KCNC2: variants seen among roughly 807,000 people sequenced by gnomAD.
KCNC2 encodes potassium voltage-gated channel subfamily C member 2, also known as voltage-gated potassium channel KCNC2.
KCNC2 carries 21 observed loss-of-function variants against 44.5 expected under a neutral mutation model. The observed-to-expected ratio is 0.47, with a 90% CI of 0.33 to 0.68. The LOEUF is 0.68. Among genes scored for constraint, KCNC2 ranks in the 30% least tolerant of loss-of-function variants. The pLI, the probability that KCNC2 is intolerant of heterozygous loss-of-function variation, is 0.01. For missense variants in KCNC2, 589 were observed against 826.2 expected (o/e 0.71, Z 3.52); for synonymous variants, 391 against 339.1 (o/e 1.15, Z -1.68).
At position 75,079,947 on chromosome 12, in the gene KCNC2, T is replaced by C. The variant is rs1198926328; in HGVS notation, c.688-28630A>G. Among the ~76,000 whole-genome samples the C allele has an allele frequency of 2.0e-5, 3 of 152,198 alleles. No homozygotes were observed. The South Asian group carries it at 6.2e-4, about 32-fold the overall frequency. On this transcript the variant is annotated intron_variant, in intron 2 of 4. Transcript: ENST00000549446. ...GTCTCTGAGTCCTTCCCACATTTCATCAGAAGTGAGAATAAAAAGGAATAC... is the reference window on the plus strand; with the variant it reads ...GTCTCTGAGTCCTTCCCACATTTCACCAGAAGTGAGAATAAAAAGGAATAC...
intron 2 of KCNC2, among the ~76,000 whole-genome samples, chr12:75,081,318 A>G (rs1884482107): frequency 6.6e-6 from 1 of 151,778 alleles, no homozygotes; most frequent in African/African-American, 2.4e-5. Flanking sequence ...GATTTTGTAT[A>G]TATCAATATG....
At chr12:75,167,999 T>TA (rs1891570465) in intron 2 of KCNC2, among the ~76,000 whole-genome samples, 1 of 151,436 alleles carries the variant, frequency 6.6e-6, no homozygotes, top group Non-Finnish European at 1.5e-5. Flanking sequence ...AAATGTATAA[T>TA]ATGAGATTGC....
chr12:75,069,425 C>T (rs968446654), intron 2 of KCNC2, among the ~76,000 whole-genome samples: 2 of 151,934 alleles, frequency 1.3e-5, no homozygotes, highest in South Asian at 2.1e-4. Flanking sequence ...TGTGATCCAC[C>T]GTGCTCGGCC....
intron 2 of KCNC2, among the ~76,000 whole-genome samples, chr12:75,089,667 G>A (rs1163415405): frequency 1.3e-5 from 2 of 151,762 alleles, no homozygotes; most frequent in Non-Finnish European, 2.9e-5. Flanking sequence ...GACTTTGATG[G>A]AATTATTGCA....
At chr12:75,152,703 A>G (rs1177985417) in intron 2 of KCNC2, among the ~76,000 whole-genome samples, 1 of 152,026 alleles carries the variant, frequency 6.6e-6, no homozygotes, top group Non-Finnish European at 1.5e-5. Context: ...GTAAACAGCT[A>G]GAATTAAAGT....
intron 2 of KCNC2, among the ~76,000 whole-genome samples, chr12:75,094,696 G>T (rs1316218405): frequency 2.0e-5 from 3 of 151,656 alleles, no homozygotes; most frequent in African/African-American, 7.3e-5. Context: ...ACACTGAGAA[G>T]TTTTCAGGAA....
intron 2 of KCNC2, among the ~76,000 whole-genome samples, chr12:75,070,383 C>T (rs186656536): frequency 6.0e-5 from 9 of 150,444 alleles, no homozygotes; most frequent in Admixed American, 2.7e-4. Flanking sequence ...CCCAGGAGGC[C>T]GAGGTTGCAG....
intron 2 of KCNC2, among the ~76,000 whole-genome samples, chr12:75,130,953 G>A (rs1205075958): frequency 6.6e-6 from 1 of 151,956 alleles, no homozygotes; most frequent in East Asian, 1.9e-4. Flanking sequence ...TACGCCTCCT[G>A]TTTGGGTGCA....
intron 4 of KCNC2, among the ~76,000 whole-genome samples, chr12:75,044,034 A>G (rs1880207916): frequency 1.3e-5 from 2 of 151,962 alleles, no homozygotes; most frequent in African/African-American, 4.8e-5. Flanking sequence ...ACGAACTTAC[A>G]AAATAAAAGA....
intron 2 of KCNC2, among the ~76,000 whole-genome samples, chr12:75,106,129 A>T (rs1306570251): frequency 6.6e-6 from 1 of 152,156 alleles, no homozygotes; most frequent in Admixed American, 6.5e-5. Context: ...AAGAATGATC[A>T]ACTGTGTCAA....
chr12:75,159,968 A>AGT (rs1231152029), intron 2 of KCNC2, among the ~76,000 whole-genome samples: 2 of 151,864 alleles, frequency 1.3e-5, no homozygotes, highest in Admixed American at 1.3e-4. Flanking sequence ...TATAAAAGTG[A>AGT]GTGCTAACTG....
intron 2 of KCNC2, among the ~76,000 whole-genome samples, chr12:75,206,692 G>T (rs1044945686): frequency 6.6e-6 from 1 of 152,114 alleles, no homozygotes; most frequent in African/African-American, 2.4e-5. Flanking sequence ...CCTAGTATTC[G>T]TCTCCCTTGG....
intron 2 of KCNC2, among the ~76,000 whole-genome samples, chr12:75,114,565 T>C (rs947944178): frequency 6.6e-6 from 1 of 152,004 alleles, no homozygotes; most frequent in African/African-American, 2.4e-5. Flanking sequence ...TAAAGAAAAA[T>C]ATATCGGGGA....
At chr12:75,180,146 A>G (rs922978778) in intron 2 of KCNC2, among the ~76,000 whole-genome samples, 42 of 151,948 alleles carry the variant, frequency 2.8e-4, no homozygotes, top group African/African-American at 8.9e-4. Flanking sequence ...TTGTATGTTA[A>G]TAATTTGGCA....
At chr12:75,156,631 A>G (rs562538304) in intron 2 of KCNC2, among the ~76,000 whole-genome samples, 2 of 151,906 alleles carry the variant, frequency 1.3e-5, no homozygotes, top group East Asian at 1.9e-4. Flanking sequence ...AATGATGCCT[A>G]CCGTTGAAAG....
At chr12:75,162,498 T>A (rs1891184568) in intron 2 of KCNC2, among the ~76,000 whole-genome samples, 1 of 151,682 alleles carries the variant, frequency 6.6e-6, no homozygotes, top group South Asian at 2.1e-4. Flanking sequence ...ATAGATTACA[T>A]CTGTAGTTTT....
chr12:75,202,790 T>A (rs914558874), intron 2 of KCNC2, among the ~76,000 whole-genome samples: 2 of 103,912 alleles, frequency 1.9e-5, no homozygotes, highest in African/African-American at 1.1e-4. Context: ...AATATTCCTA[T>A]GTGAGTTTTT....
rs115324059 is a variant in KCNC2 at position 75,125,190 on chromosome 12, G to C, written c.688-73873C>G. On this transcript the variant is annotated intron_variant, in intron 2 of 4. Transcript: ENST00000549446. ...AAATAGGTTCAGATGACTGACACATGTTCTACCGTGACTGGGAATAATTAT... is the reference window on the plus strand; with the variant it reads ...AAATAGGTTCAGATGACTGACACATCTTCTACCGTGACTGGGAATAATTAT... Among the ~76,000 whole-genome samples the C allele has an allele frequency of 2.0e-3, 308 of 152,258 alleles. 2 individuals are homozygous for C. Among genetic ancestry groups the C allele is most frequent in the African/African-American group, 7.1e-3 (295 of 41,566 alleles).
chr12:75,059,787 T>C (rs1317481786), intron 2 of KCNC2, among the ~76,000 whole-genome samples: 1 of 152,102 alleles, frequency 6.6e-6, no homozygotes, highest in Non-Finnish European at 1.5e-5. Flanking sequence ...GTAAATAAAT[T>C]TTTTAATATT....
Sources: gnomAD v4.1 joint callset for allele counts (sites outside exome capture counted in the v4.1 genomes callset) on GRCh38, gnomAD v4.1.1 for gene constraint, MANE v1.5 for transcripts, NCBI Gene and HGNC (gene_info 2026-07-23, HGNC 2026-07-21) for gene names.